The following GPHN variants were observed in gnomAD, a reference collection of about 807,000 sequenced individuals.
The protein encoded by GPHN is gephyrin.
GPHN carries 17 observed loss-of-function variants against 95.5 expected under a neutral mutation model. The ratio of observed to expected loss-of-function variants is 0.18; its 90% CI spans 0.12 to 0.27. The LOEUF is 0.27. GPHN is among the 10% of genes least tolerant of loss of function. The pLI is 1.00. For synonymous variants in GPHN, 320 were observed against 322.5 expected, an observed-to-expected ratio of 0.99 and a Z score of 0.08; for missense variants, 660 against 978.1, an observed-to-expected ratio of 0.67 and a Z score of 4.34.
At chr14:67,022,609 T>TA (rs2073713781) in intron 9 of GPHN, among the ~76,000 whole-genome samples, 1 of 137,328 alleles carries the variant, frequency 7.3e-6, no homozygotes, top group Non-Finnish European at 1.6e-5. Context: ...GTGTGTGTAT[T>TA]TTTCTTGTAT....
At chr14:67,173,417 G>A (rs72717327) in intron 21 of GPHN, among the ~76,000 whole-genome samples, 8,203 of 152,212 alleles carry the variant, frequency 0.054, 226 homozygotes, top group Middle Eastern at 0.068. Context: ...ACAAACTTCT[G>A]TGGACTACGT....
intron 1 of GPHN, among the ~76,000 whole-genome samples, chr14:66,636,892 A>C (rs188299754): frequency 2.0e-3 from 297 of 152,302 alleles, no homozygotes; most frequent in African/African-American, 6.6e-3. Context: ...TATTATCTTG[A>C]TTTTTAACTG....
intron 10 of GPHN, among the ~76,000 whole-genome samples, chr14:67,053,398 C>T (rs919595832): frequency 3.3e-5 from 5 of 152,000 alleles, no homozygotes; most frequent in African/African-American, 9.7e-5. Context: ...CACACACCCT[C>T]GCAAGACAGA....
At chr14:67,701,837 AATT>A in the GPHN span, 3 of 152,122 alleles carry the variant, frequency 2.0e-5, no homozygotes, top group Admixed American at 2.0e-4. Context: ...CCATGTAATA[AATT>A]ATTATCATGC....
chr14:67,565,884 C>G, the GPHN span, among the ~76,000 whole-genome samples: 15 of 152,306 alleles, frequency 9.8e-5, no homozygotes, highest in Admixed American at 8.5e-4. Flanking sequence ...CTTTGGGAGG[C>G]TGAGGCAGGC....
At chr14:67,674,379 C>A in the GPHN span, 170 of 1,594,142 alleles carry the variant, frequency 1.1e-4, no homozygotes, top group Non-Finnish European at 1.3e-4. Flanking sequence ...CCTCACCGGT[C>A]CCCGCCGTCC....
At chr14:67,193,500 G>T in the GPHN span, among the ~76,000 whole-genome samples, 2 of 128,014 alleles carry the variant, frequency 1.6e-5, no homozygotes, top group African/African-American at 2.9e-5. Context: ...TATATATCTA[G>T]ATATCCATAT....
the GPHN span, among the ~76,000 whole-genome samples, chr14:67,263,501 C>T: frequency 1.3e-5 from 2 of 152,272 alleles, no homozygotes; most frequent in Admixed American, 6.5e-5. Flanking sequence ...TAGGAAGGTA[C>T]CCTTCGAAAC....
At position 66,508,192 on chromosome 14, in the gene GPHN, C is replaced by A; in HGVS notation, c.-336C>A. 1 of 498,638 alleles carries A rather than the reference C, an allele frequency of 2.0e-6. No homozygotes were observed. The highest frequency in any genetic ancestry group is 3.7e-6 in the Non-Finnish European group (1 of 272,172). 30.9% of individuals were successfully genotyped at this position (498,638 alleles called of 1,614,324 possible). ...ATCTAGCTGCCTTGGGTCTCGCGCT[C>A]CGCAGAGCGTTCCGACACTCTCCGG... On this transcript the variant is annotated 5_prime_UTR_variant, in exon 1 of 23. Transcript: ENST00000478722.
chr14:67,388,234 G>A, the GPHN span: 6 of 1,610,882 alleles, frequency 3.7e-6, no homozygotes, highest in East Asian at 4.5e-5. Flanking sequence ...CAGTGGGAAC[G>A]CCATTATCTT....
the GPHN span, chr14:67,388,280 C>T: frequency 6.2e-7 from 1 of 1,612,604 alleles, no homozygotes; most frequent in Non-Finnish European, 8.5e-7. Flanking sequence ...AAGAGAAAAC[C>T]CACCCACTGG....
intron 4 of GPHN, among the ~76,000 whole-genome samples, chr14:66,862,457 G>C (rs1052654203): frequency 1.3e-5 from 2 of 152,166 alleles, no homozygotes; most frequent in African/African-American, 4.8e-5. Flanking sequence ...AATACAAGGA[G>C]GAGGGAATAC....
At chr14:67,088,925 C>A in intron 11 of GPHN, 58 bp from the exon 12 acceptor site, 3 of 950,972 alleles carry the variant, frequency 3.2e-6, no homozygotes, top group Non-Finnish European at 5.2e-6. Flanking sequence ...TTGTTTATGA[C>A]TGCCTGCTTA....
chr14:67,376,754 T>C, the GPHN span, among the ~76,000 whole-genome samples: 2 of 152,244 alleles, frequency 1.3e-5, no homozygotes, highest in Non-Finnish European at 2.9e-5. Context: ...CTGTGTAGTT[T>C]TATGTATCAT....
chr14:67,385,893 T>C, the GPHN span: 1 of 152,208 alleles, frequency 6.6e-6, no homozygotes, highest in Non-Finnish European at 1.5e-5. Flanking sequence ...AGAACAGTTA[T>C]TACTCAGCTG....
intron 13 of GPHN, among the ~76,000 whole-genome samples, chr14:67,105,636 A>G (rs2077991769): frequency 6.6e-6 from 1 of 152,132 alleles, no homozygotes; most frequent in African/African-American, 2.4e-5. Flanking sequence ...TTTATCTGGT[A>G]TAAATGTGGC....
the GPHN span, among the ~76,000 whole-genome samples, chr14:67,369,100 T>C: frequency 1.3e-5 from 2 of 152,178 alleles, no homozygotes; most frequent in Non-Finnish European, 2.9e-5. Flanking sequence ...AGGCAGAGAT[T>C]GTTAGGATGA....
the GPHN span, among the ~76,000 whole-genome samples, chr14:67,261,335 G>A: frequency 6.6e-6 from 1 of 152,078 alleles, no homozygotes; most frequent in Non-Finnish European, 1.5e-5. Flanking sequence ...AAGAGATAAT[G>A]TATATTATGA....
At chr14:66,629,582 A>G (rs1394412971) in intron 1 of GPHN, among the ~76,000 whole-genome samples, 1 of 152,172 alleles carries the variant, frequency 6.6e-6, no homozygotes, top group Non-Finnish European at 1.5e-5. Context: ...AAAACCAGTA[A>G]CATAATCATT....
Sources: gnomAD v4.1 joint callset for allele counts (sites outside exome capture counted in the v4.1 genomes callset) on GRCh38, gnomAD v4.1.1 for gene constraint, MANE v1.5 for transcripts, NCBI Gene and HGNC (gene_info 2026-07-23, HGNC 2026-07-21) for gene names.